PTPRD: variants seen among roughly 807,000 people sequenced by gnomAD.
The protein encoded by PTPRD is protein tyrosine phosphatase receptor type D.
Under a neutral mutation model 214.5 loss-of-function variants are expected in PTPRD, and 34 were observed. The ratio of observed to expected loss-of-function variants is 0.16; its 90% CI spans 0.12 to 0.21. The LOEUF (loss-of-function observed/expected upper bound fraction) is 0.21. Ranked by LOEUF, PTPRD falls within the 10% of genes least tolerant of loss-of-function variation. The probability of loss-of-function intolerance (pLI) is 1.00; values close to 1 mark genes in which losing one functional copy is unlikely to be tolerated. For synonymous variants in PTPRD, 1,128 were observed against 845.7 expected, an observed-to-expected ratio of 1.33 and a Z score of -5.79; for missense variants, 2,545 against 2,398.7, an observed-to-expected ratio of 1.06 and a Z score of -1.27.
intron 7 of PTPRD, among the ~76,000 whole-genome samples, chr9:9,594,870 TCAAA>T (rs1224595266): frequency 1.3e-5 from 2 of 151,964 alleles, no homozygotes; most frequent in East Asian, 3.9e-4. Flanking sequence ...TACAAAGAAC[TCAAA>T]CAAATCAGCA....
chr9:10,078,329 G>A (rs574520045), intron 3 of PTPRD, among the ~76,000 whole-genome samples: 15 of 144,914 alleles, frequency 1.0e-4, no homozygotes, highest in Non-Finnish European at 2.3e-4. Context: ...TAACCAACAT[G>A]GTGAAACCCC....
intron 3 of PTPRD, among the ~76,000 whole-genome samples, chr9:10,257,324 T>C (rs2093357562): frequency 6.6e-6 from 1 of 152,196 alleles, no homozygotes; most frequent in Admixed American, 6.5e-5. Flanking sequence ...AATCTTTATG[T>C]AATTATGTAC....
At chr9:9,999,182 G>C (rs1249833428) in intron 4 of PTPRD, among the ~76,000 whole-genome samples, 1 of 152,154 alleles carries the variant, frequency 6.6e-6, no homozygotes, top group Non-Finnish European at 1.5e-5. Flanking sequence ...CTACGCTCGG[G>C]CTGGGAAAGG....
chr9:10,333,110 A>G (rs1462682703), intron 3 of PTPRD, among the ~76,000 whole-genome samples: 1 of 151,846 alleles, frequency 6.6e-6, no homozygotes, highest in African/African-American at 2.4e-5. Context: ...TGATTTCTGT[A>G]AAATACGAAG....
At chr9:9,322,284 G>C (rs1966857476) in intron 9 of PTPRD, among the ~76,000 whole-genome samples, 1 of 152,152 alleles carries the variant, frequency 6.6e-6, no homozygotes, top group Admixed American at 6.5e-5. Context: ...AAAAGCTACT[G>C]ATTACTGGGC....
intron 8 of PTPRD, among the ~76,000 whole-genome samples, chr9:9,490,068 C>A (rs1406148432): frequency 6.6e-6 from 1 of 152,018 alleles, no homozygotes; most frequent in Non-Finnish European, 1.5e-5. Flanking sequence ...AATTTCTTAT[C>A]AAAAACTATA....
chr9:10,163,721 G>T (rs1487499417), intron 3 of PTPRD, among the ~76,000 whole-genome samples: 2 of 151,226 alleles, frequency 1.3e-5, no homozygotes, highest in African/African-American at 4.8e-5. Flanking sequence ...TATTCTCAAA[G>T]AATATTCTTC....
At chr9:8,330,424 A>AAAAGT (rs1341926043) in intron 44 of PTPRD, among the ~76,000 whole-genome samples, 1 of 152,190 alleles carries the variant, frequency 6.6e-6, no homozygotes, top group Non-Finnish European at 1.5e-5. Context: ...TGGGAAACCA[A>AAAAGT]AAAGTATGTG....
intron 8 of PTPRD, among the ~76,000 whole-genome samples, chr9:9,450,134 GTGTGTGTA>G (rs1435565449): frequency 2.8e-4 from 43 of 151,154 alleles, no homozygotes; most frequent in African/African-American, 8.8e-4. Flanking sequence ...GTGTGTGTGT[GTGTGTGTA>G]TTACAGTTTC....
intron 3 of PTPRD, among the ~76,000 whole-genome samples, chr9:10,319,578 G>C (rs1328231665): frequency 6.6e-6 from 1 of 151,964 alleles, no homozygotes; most frequent in African/African-American, 2.4e-5. Context: ...TTTTGTTAAA[G>C]AGAGTCACAC....
intron 5 of PTPRD, among the ~76,000 whole-genome samples, chr9:9,831,631 C>T (rs1360293276): frequency 1.3e-5 from 2 of 151,974 alleles, no homozygotes; most frequent in Non-Finnish European, 2.9e-5. Context: ...AACTACCTCT[C>T]AATGTTCTTT....
intron 11 of PTPRD, among the ~76,000 whole-genome samples, chr9:8,745,639 T>C (rs1433296264): frequency 6.6e-6 from 1 of 152,208 alleles, no homozygotes; most frequent in African/African-American, 2.4e-5. Context: ...TTTATAGACG[T>C]GCTTGGAAGG....
intron 11 of PTPRD, among the ~76,000 whole-genome samples, chr9:8,780,686 C>G (rs2154493586): frequency 6.6e-6 from 1 of 152,252 alleles, no homozygotes; most frequent in South Asian, 2.1e-4. Context: ...GAGAATCTAC[C>G]TCATGTGAAC....
intron 7 of PTPRD, among the ~76,000 whole-genome samples, chr9:9,728,765 A>G (rs771321224): frequency 1.3e-5 from 2 of 152,210 alleles, no homozygotes; most frequent in Non-Finnish European, 2.9e-5. Context: ...TTCAACTATT[A>G]TTAAAAGAAT....
chr9:10,320,680 A>G (rs1056300552), intron 3 of PTPRD, among the ~76,000 whole-genome samples: 1 of 152,034 alleles, frequency 6.6e-6, no homozygotes, highest in Non-Finnish European at 1.5e-5. Context: ...CTTAGAAACT[A>G]CTACTGAGAC....
intron 10 of PTPRD, among the ~76,000 whole-genome samples, chr9:9,147,652 G>C (rs2099870957): frequency 6.6e-6 from 1 of 152,092 alleles, no homozygotes; most frequent in African/African-American, 2.4e-5. Flanking sequence ...ATGCTTTCAA[G>C]TTACAATTGC....
chr9:8,386,194 C>A (rs1352623224), intron 37 of PTPRD, among the ~76,000 whole-genome samples: 1 of 152,154 alleles, frequency 6.6e-6, no homozygotes, highest in East Asian at 1.9e-4. Flanking sequence ...CATTGTCACA[C>A]AGCTAGTAGA....
At chr9:9,365,051 C>T (rs2139322985) in intron 9 of PTPRD, among the ~76,000 whole-genome samples, 1 of 151,514 alleles carries the variant, frequency 6.6e-6, no homozygotes, top group Non-Finnish European at 1.5e-5. Flanking sequence ...CCCATCTTAC[C>T]TGAGAAACTG....
intron 11 of PTPRD, among the ~76,000 whole-genome samples, chr9:8,929,504 T>C (rs2098929354): frequency 6.6e-6 from 1 of 152,022 alleles, no homozygotes; most frequent in African/African-American, 2.4e-5. Flanking sequence ...TTGATTTGCG[T>C]ATGTTGAACC....
Sources: allele counts gnomAD v4.1 joint callset (sites outside exome capture counted in the v4.1 genomes callset), GRCh38; gene constraint gnomAD v4.1.1; transcripts MANE v1.5; gene names NCBI Gene and HGNC (gene_info 2026-07-23, HGNC 2026-07-21).